GTF3C1: variants seen among roughly 807,000 people sequenced by gnomAD.
GTF3C1 encodes the protein general transcription factor IIIC subunit 1, also known as general transcription factor 3C polypeptide 1.
Under a neutral mutation model 226.7 loss-of-function variants are expected in GTF3C1, and 57 were observed. The observed-to-expected ratio is 0.25, with a 90% CI of 0.20 to 0.31. The LOEUF (loss-of-function observed/expected upper bound fraction) is 0.31. GTF3C1 is among the 10% of genes least tolerant of loss of function. The pLI is 1.00. For synonymous variants in GTF3C1, 1,090 were observed against 1,084.8 expected (o/e 1.00, Z -0.09); for missense variants, 2,217 against 2,776.1 (o/e 0.80, Z 4.53).
chr16:27,495,512 G>A lies in GTF3C1; in HGVS notation c.2351-20C>T. The stretch of plus-strand genomic sequence containing the variant: ...CGGGAACTAAAGCAAGAGAGGGAGA[G>A]GGCGGTGCTTGAAAAATCCCATACT... On this transcript the variant is annotated intron_variant, in intron 14 of 36. Transcript: ENST00000356183. 1 of 1,603,684 alleles carries A rather than the reference G, an allele frequency of 6.2e-7. No individual in the cohort carries two copies. The highest frequency in any genetic ancestry group is 8.5e-7 in the Non-Finnish European group (1 of 1,173,718).
At chr16:27,481,835 T>C (rs749996051) in intron 26 of GTF3C1, among the ~76,000 whole-genome samples, 1 of 152,202 alleles carries the variant, frequency 6.6e-6, no homozygotes, top group Non-Finnish European at 1.5e-5. Context: ...CCAGCTGCCG[T>C]GGTTTCCAGT....
At chr16:27,488,992 G>C in intron 21 of GTF3C1, 51 bp downstream of exon 21, 1 of 1,559,188 alleles carries the variant, frequency 6.4e-7, no homozygotes. Context: ...GGGACAGGAG[G>C]GTGAGTAGCG....
chr16:27,545,436 G>T lies in GTF3C1; in HGVS notation c.309C>A (p.Ile103=). The T allele has an allele frequency of 6.2e-7, 1 of 1,611,202 alleles. No homozygotes were observed. The highest frequency in any genetic ancestry group is 8.5e-7 in the Non-Finnish European group (1 of 1,177,352). Residue 103 remains isoleucine, a synonymous_variant, in exon 2 of 37, where the codon ATC becomes ATA. Coordinates refer to ENST00000356183, the MANE Select transcript of GTF3C1 (RefSeq NM_001520.4). ...ALEDVYPIHM[I]LENKDGIQGS... ...CCTGGATGCCATCCTTATTCTCTAA[G>T]ATCATATGAATGGGGTAGACATCCT...
At position 27,507,268 on chromosome 16, in the gene GTF3C1, C is replaced by T; in HGVS notation, c.1243-112G>A. Reference sequence around the variant, plus strand: ...ATTGGCTTTCTTCTGTTTCTCCTGTCTTACTGCCTGGGCCCTGGGTTGGGC... The same window carrying T: ...ATTGGCTTTCTTCTGTTTCTCCTGTTTTACTGCCTGGGCCCTGGGTTGGGC... On this transcript the variant is annotated intron_variant, in intron 8 of 36. Transcript: ENST00000356183. The surrounding 1 kb of genome is among the most constrained non-coding windows in gnomAD (Gnocchi z 4.9). 1 of 820,908 alleles carries T rather than the reference C, an allele frequency of 1.2e-6. No homozygotes were observed. Among genetic ancestry groups the T allele is most frequent in the Non-Finnish European group, 1.9e-6 (1 of 521,146 alleles). The allele number at this position is 820,908 out of a possible 1,614,324, so 50.9% of individuals were successfully genotyped here. A position where few individuals can be genotyped will look rare whatever the true frequency, so the allele number is the denominator to read the frequency against.
chr16:27,489,309 C>A, intron 20 of GTF3C1, 131 bp from the exon 21 acceptor site: 2 of 989,498 alleles, frequency 2.0e-6, no homozygotes, highest in South Asian at 1.7e-5. Flanking sequence ...CCACAGGTAG[C>A]AATGAAGAAC....
chr16:27,511,885 A>T lies in GTF3C1; in HGVS notation c.990T>A (p.Val330=). The stretch of plus-strand genomic sequence containing the variant: ...ATTCCTTCAGCAGCTTGAGGCACCG[A>T]ACCATGACGTCGGTCCCTGGCAACA... ...CKTKKGTDVM[V]RCLKLLKEFK... is the part of the protein sequence containing the mutation. The change falls in exon 7 of 37, where the codon GTT becomes GTA. Residue 330 remains valine, a synonymous_variant. Transcript: ENST00000356183. 1 of 1,614,100 alleles carries T rather than the reference A, an allele frequency of 6.2e-7. No individual in the cohort carries two copies. Among genetic ancestry groups the T allele is most frequent in the South Asian group, 1.1e-5 (1 of 91,076 alleles).
At position 27,488,629 on chromosome 16, in the gene GTF3C1, T is replaced by C. The variant is rs768448380; in HGVS notation, c.3436A>G (p.Thr1146Ala). The C allele has an allele frequency of 1.4e-5, 22 of 1,612,120 alleles. No individual in the cohort carries two copies. Among genetic ancestry groups the C allele is most frequent in the African/African-American group, 1.1e-4 (8 of 74,876 alleles). Reference protein sequence around the residue: ...YIINQAKKENTAAENGLTVRL... With the variant: ...YIINQAKKENAAAENGLTVRL... ...ACTGTGAGTCCATTCTCTGCGGCAGTGTTCTCCTGTGAGACAAGCACAGCA... is the reference window on the plus strand; with the variant it reads ...ACTGTGAGTCCATTCTCTGCGGCAGCGTTCTCCTGTGAGACAAGCACAGCA... The change falls in exon 22 of 37, where the codon ACT (threonine) becomes GCT (alanine). Residue 1146 changes from threonine (T) to alanine (A), a missense_variant. Physicochemically the swap from Thr to Ala is moderately conservative, Grantham distance 58. Around this residue, in one of 12 missense-constraint regions of GTF3C1, gnomAD observed 546 missense variants for 663.0 expected, o/e 0.82. Transcript: ENST00000356183.
At chr16:27,506,266 C>G in intron 9 of GTF3C1, 150 bp from the exon 10 acceptor site, 1 of 600,590 alleles carries the variant, frequency 1.7e-6, no homozygotes, top group Non-Finnish European at 3.0e-6. Flanking sequence ...GCTTGGGCCC[C>G]TCCTTCTGGC....
In GTF3C1 at chr16:27,498,614, G is replaced by A. The variant is rs183913873; in HGVS notation, c.2165+16C>T. ...GGCAGCCTTGCTATGGGTTCTTCCCGGGCACCTCCACTTGCCTGTTGGCTG... is the reference window on the plus strand; with the variant it reads ...GGCAGCCTTGCTATGGGTTCTTCCCAGGCACCTCCACTTGCCTGTTGGCTG... On this transcript the variant is annotated intron_variant, in intron 13 of 36. Transcript: ENST00000356183. 5.4e-5 allele frequency: 73 copies of A among 1,346,682 alleles called. 1 individual carries two copies. Among genetic ancestry groups the A allele is most frequent in the Admixed American group, 2.7e-4 (16 of 59,702 alleles). 83.4% of individuals were successfully genotyped at this position (1,346,682 alleles called of 1,614,324 possible). A position where few individuals can be genotyped will look rare whatever the true frequency, so the allele number is the denominator to read the frequency against.
chr16:27,548,932 TTG>T (rs1461311405), intron 1 of GTF3C1, among the ~76,000 whole-genome samples: 3 of 152,112 alleles, frequency 2.0e-5, no homozygotes, highest in Non-Finnish European at 4.4e-5. Flanking sequence ...GAGGTGCGGA[TTG>T]TCTGAGGTCA....
intron 4 of GTF3C1, among the ~76,000 whole-genome samples, chr16:27,536,284 G>A (rs1049807787): frequency 6.6e-6 from 1 of 152,186 alleles, no homozygotes; most frequent in Non-Finnish European, 1.5e-5. Context: ...TAGTAGTTAA[G>A]TTTTTGGGGA....
chr16:27,501,383 C>G (rs1223021184), intron 11 of GTF3C1, 39 bp from the exon 12 acceptor site: 31 of 1,597,108 alleles, frequency 1.9e-5, no homozygotes, highest in Non-Finnish European at 2.6e-5. Flanking sequence ...CTCCCAATCT[C>G]AACATGGAAG....
At chr16:27,505,773 C>A in intron 10 of GTF3C1, 126 bp downstream of exon 10, 1 of 652,620 alleles carries the variant, frequency 1.5e-6, no homozygotes, top group Non-Finnish European at 2.7e-6. Flanking sequence ...GAAGCACAGG[C>A]AGGCCTCGGC....
chr16:27,464,422 C>T lies in GTF3C1; in HGVS notation c.5770G>A (p.Ala1924Thr). Residue 1924 changes from alanine (A) to threonine (T), a missense_variant, in exon 34 of 37, where the codon GCA (alanine) becomes ACA (threonine). Physicochemically the swap from Ala to Thr is moderately conservative, Grantham distance 58. Coordinates refer to ENST00000356183, the MANE Select transcript of GTF3C1 (RefSeq NM_001520.4). Reference sequence around the variant, plus strand: ...ACACCCTCTTGGTCTTCCTGTGCTGCTCCCGCTGCAGCGGTGTCTTCAAGA... The same window carrying T: ...ACACCCTCTTGGTCTTCCTGTGCTGTTCCCGCTGCAGCGGTGTCTTCAAGA... ...PALEDTAAAG[A>T]AQEDQEGVGE... 6.2e-7 allele frequency: 1 copy of T among 1,604,124 alleles called. No homozygotes were observed. The highest frequency in any genetic ancestry group is 8.5e-7 in the Non-Finnish European group (1 of 1,175,172).
chr16:27,489,975 G>A (rs148902998), intron 19 of GTF3C1, among the ~76,000 whole-genome samples: 10 of 152,350 alleles, frequency 6.6e-5, no homozygotes, highest in African/African-American at 2.2e-4. Flanking sequence ...TAAGGAAAGG[G>A]TCTATGCCAG....
intron 24 of GTF3C1, among the ~76,000 whole-genome samples, chr16:27,485,431 C>T (rs943805822): frequency 1.3e-5 from 2 of 152,342 alleles, no homozygotes; most frequent in Admixed American, 6.5e-5. Flanking sequence ...GAGAAGTATC[C>T]GGCCAAGAAC....
At chr16:27,520,485 A>G (rs1171006444) in intron 6 of GTF3C1, among the ~76,000 whole-genome samples, 1 of 152,086 alleles carries the variant, frequency 6.6e-6, no homozygotes, top group Admixed American at 6.5e-5. Flanking sequence ...ACAAAATGGG[A>G]TAACAATATG....
At chr16:27,508,685 C>A (rs755422639) in intron 7 of GTF3C1, 30 bp from the exon 8 acceptor site, 2 of 1,534,068 alleles carry the variant, frequency 1.3e-6, no homozygotes, top group South Asian at 2.2e-5. Flanking sequence ...TGAACCCAAA[C>A]CGCTGCAAAG....
intron 28 of GTF3C1, among the ~76,000 whole-genome samples, chr16:27,477,258 A>T (rs1412625017): frequency 1.3e-5 from 2 of 151,828 alleles, no homozygotes; most frequent in African/African-American, 2.4e-5. Context: ...AAGGATGAAG[A>T]CCTTTAAGAT....
Sources: gnomAD v4.1 joint callset for allele counts (sites outside exome capture counted in the v4.1 genomes callset) on GRCh38, gnomAD v4.1.1 for gene constraint, gnomAD v4.1.1 regional missense constraint, Gnocchi (gnomAD v3.1) non-coding constraint, MANE v1.5 for transcripts, NCBI Gene and HGNC (gene_info 2026-07-23, HGNC 2026-07-21) for gene names.